Variants in CAMTA1 observed in about 807,000 individuals in gnomAD.
The protein encoded by CAMTA1 is calmodulin-binding transcription activator 1.
Under a neutral mutation model 170.9 loss-of-function variants are expected in CAMTA1, and 27 were observed. The ratio of observed to expected loss-of-function variants is 0.16; its 90% CI spans 0.12 to 0.22. CAMTA1 has a LOEUF of 0.22. Ranked by LOEUF, CAMTA1 falls within the 10% of genes least tolerant of loss-of-function variation. The pLI, the probability that CAMTA1 is intolerant of heterozygous loss-of-function variation, is 1.00. For missense variants in CAMTA1, 1,619 were observed against 2,217.2 expected, an observed-to-expected ratio of 0.73 and a Z score of 5.42; for synonymous variants, 833 against 891.5, an observed-to-expected ratio of 0.93 and a Z score of 1.17.
chr1:6,846,507 A>G (rs1022825249), intron 3 of CAMTA1, among the ~76,000 whole-genome samples: 4 of 152,252 alleles, frequency 2.6e-5, no homozygotes, highest in Admixed American at 2.6e-4. Context: ...AAGGTTTTTT[A>G]AAAAGTTCAA....
At chr1:6,991,213 CT>C (rs1415583833) in intron 3 of CAMTA1, among the ~76,000 whole-genome samples, 1 of 151,954 alleles carries the variant, frequency 6.6e-6, no homozygotes. Flanking sequence ...TTGTACAAGT[CT>C]TTTTTGGGGA....
intron 6 of CAMTA1, among the ~76,000 whole-genome samples, chr1:7,586,828 G>C (rs2095314035): frequency 6.6e-6 from 1 of 152,096 alleles, no homozygotes; most frequent in South Asian, 2.1e-4. Context: ...GGCTCCCACG[G>C]TGGCTGCGGT....
intron 5 of CAMTA1, among the ~76,000 whole-genome samples, chr1:7,283,929 T>G (rs1310650697): frequency 2.0e-5 from 3 of 152,138 alleles, no homozygotes; most frequent in Admixed American, 6.5e-5. Flanking sequence ...TAGGGTGAGA[T>G]TTGTGGCTCT....
chr1:7,336,854 T>C (rs1300348033), intron 5 of CAMTA1, among the ~76,000 whole-genome samples: 1 of 152,198 alleles, frequency 6.6e-6, no homozygotes, highest in Non-Finnish European at 1.5e-5. Flanking sequence ...ATGGCCCTTC[T>C]ATCTTCCTCA....
intron 5 of CAMTA1, among the ~76,000 whole-genome samples, chr1:7,451,532 C>T (rs1353856562): frequency 6.6e-6 from 1 of 152,194 alleles, no homozygotes; most frequent in Non-Finnish European, 1.5e-5. Context: ...GTCCTTAGCC[C>T]CCTGAGCTTT....
chr1:6,993,700 T>C (rs1696749835), intron 3 of CAMTA1, among the ~76,000 whole-genome samples: 1 of 152,190 alleles, frequency 6.6e-6, no homozygotes, highest in Admixed American at 6.5e-5. Context: ...GTGGTTTACA[T>C]GGTGTATGTT....
At chr1:7,310,640 CTTTCTT>C (rs1676382959) in intron 5 of CAMTA1, among the ~76,000 whole-genome samples, 4 of 35,780 alleles carry the variant, frequency 1.1e-4, no homozygotes, top group African/African-American at 4.8e-4. Flanking sequence ...TTCTTTCTTT[CTTTCTT>C]TTTTCTTTCT....
At chr1:6,851,969 C>A (rs537249613) in intron 3 of CAMTA1, among the ~76,000 whole-genome samples, 1 of 150,848 alleles carries the variant, frequency 6.6e-6, no homozygotes, top group East Asian at 1.9e-4. Flanking sequence ...AGCCAAGATC[C>A]CACCAAAGTA....
At chr1:7,746,427 T>A (rs928490134) in intron 18 of CAMTA1, among the ~76,000 whole-genome samples, 1 of 152,224 alleles carries the variant, frequency 6.6e-6, no homozygotes, top group Non-Finnish European at 1.5e-5. Flanking sequence ...TCCCAAACCA[T>A]TTGCTTTTAA....
At position 7,025,474 on chromosome 1, in the gene CAMTA1, C is replaced by T. The variant is rs140102144; in HGVS notation, c.235-65830C>T. Among the ~76,000 whole-genome samples, 187 of 152,298 alleles carry T rather than the reference C, an allele frequency of 1.2e-3. 1 individual carries two copies. The highest frequency in any genetic ancestry group is 3.1e-3 in the African/African-American group (129 of 41,570). ...GACCACCTATTTCTGGGGTCCATCT[C>T]GCCAGCCCCTCTGGCCTTACTGGGG... is the stretch of plus-strand genomic sequence containing the variant. On this transcript the variant is annotated intron_variant, in intron 3 of 22. Transcript: ENST00000303635.
intron 6 of CAMTA1, among the ~76,000 whole-genome samples, chr1:7,520,209 T>C (rs1476413610): frequency 0.02 from 5 of 248 alleles, no homozygotes; most frequent in Admixed American, 0.042. Flanking sequence ...GACCTCCTCC[T>C]CCTCCTCCTC....
chr1:7,201,622 C>T (rs1473931243), intron 4 of CAMTA1, among the ~76,000 whole-genome samples: 3 of 152,086 alleles, frequency 2.0e-5, no homozygotes, highest in African/African-American at 7.2e-5. Context: ...TGTGAATCTC[C>T]CTGATAGCTA....
In CAMTA1 at chr1:7,642,299, G is replaced by T. The variant is rs1029442173; in HGVS notation, c.664+1746G>T. Among the ~76,000 whole-genome samples the T allele has an allele frequency of 1.3e-5, 2 of 152,186 alleles. No individual in the cohort carries two copies. The highest frequency in any genetic ancestry group is 2.9e-5 in the Non-Finnish European group (2 of 68,028). ...TCCGGCTCTCTGCACAGTGCTGGGTGTGCACAAGGCCCTGGAAATAGCCCT... is the reference window on the plus strand; with the variant it reads ...TCCGGCTCTCTGCACAGTGCTGGGTTTGCACAAGGCCCTGGAAATAGCCCT... On this transcript the variant is annotated intron_variant, in intron 7 of 22. Coordinates refer to ENST00000303635, the MANE Select transcript of CAMTA1 (RefSeq NM_015215.4). The surrounding 1 kb of genome is among the most constrained non-coding windows in gnomAD (Gnocchi z 6.3).
At chr1:6,858,434 G>A (rs1255937869) in intron 3 of CAMTA1, among the ~76,000 whole-genome samples, 1 of 102,356 alleles carries the variant, frequency 9.8e-6, no homozygotes, top group Non-Finnish European at 2.1e-5. Context: ...TATCCTTAAA[G>A]TGGTGTGTGT....
intron 4 of CAMTA1, among the ~76,000 whole-genome samples, chr1:7,163,899 C>T (rs1366442264): frequency 6.6e-6 from 1 of 152,194 alleles, no homozygotes; most frequent in Admixed American, 6.5e-5. Context: ...CTGGTGCACT[C>T]GTTTTCCCTT....
chr1:7,691,543 C>T (rs954314043), intron 11 of CAMTA1, among the ~76,000 whole-genome samples: 6 of 152,124 alleles, frequency 3.9e-5, no homozygotes, highest in African/African-American at 1.4e-4. Flanking sequence ...GTTCTGGGGG[C>T]ACAGGGACAG....
chr1:7,030,017 G>A (rs1355782962), intron 3 of CAMTA1, among the ~76,000 whole-genome samples: 1 of 152,170 alleles, frequency 6.6e-6, no homozygotes. Context: ...TGAAACAAAT[G>A]AAGAAATTTA....
chr1:7,117,828 C>G (rs1236845188), intron 4 of CAMTA1, among the ~76,000 whole-genome samples: 2 of 152,206 alleles, frequency 1.3e-5, no homozygotes, highest in East Asian at 3.8e-4. Context: ...CGGACTCTCT[C>G]GCTTCTTCCA....
At chr1:7,223,971 G>A (rs1188198654) in intron 4 of CAMTA1, among the ~76,000 whole-genome samples, 1 of 152,200 alleles carries the variant, frequency 6.6e-6, no homozygotes, top group African/African-American at 2.4e-5. Context: ...AGAGGGCGGG[G>A]TGGAAGATTG....
Sources: gnomAD v4.1 joint callset for allele counts (sites outside exome capture counted in the v4.1 genomes callset) on GRCh38, gnomAD v4.1.1 for gene constraint, Gnocchi (gnomAD v3.1) non-coding constraint, MANE v1.5 for transcripts, NCBI Gene and HGNC (gene_info 2026-07-23, HGNC 2026-07-21) for gene names.